The following ATG7 variants were observed in gnomAD, a reference collection of about 807,000 sequenced individuals.
The protein encoded by ATG7 is ubiquitin-like modifier-activating enzyme ATG7.
In ATG7, 70 loss-of-function variants were observed where a neutral mutation model predicts 82.4. That is an observed-to-expected ratio of 0.85 (90% CI 0.70 to 1.04). The LOEUF (loss-of-function observed/expected upper bound fraction) is 1.04, where lower values mean the gene tolerates loss of function less well. Among genes scored for constraint, ATG7 ranks in the 50% least tolerant of loss-of-function variants. The pLI is 0.00. For missense variants in ATG7, 792 were observed against 864.3 expected (o/e 0.92, Z 1.05); for synonymous variants, 287 against 313.0 (o/e 0.92, Z 0.88).
the ATG7 span, among the ~76,000 whole-genome samples, chr3:11,571,465 C>T: frequency 6.6e-6 from 1 of 152,088 alleles, no homozygotes; most frequent in Admixed American, 6.6e-5. Flanking sequence ...AGGTGGACTG[C>T]TTAGGCCCAG....
intron 20 of ATG7, among the ~76,000 whole-genome samples, chr3:11,458,901 A>G (rs1037356165): frequency 6.6e-6 from 1 of 152,180 alleles, no homozygotes; most frequent in Non-Finnish European, 1.5e-5. Flanking sequence ...TCAGCGGAGC[A>G]TTAGATTCTC....
intron 19 of ATG7, among the ~76,000 whole-genome samples, chr3:11,416,046 T>C (rs1476877002): frequency 6.6e-6 from 1 of 152,242 alleles, no homozygotes; most frequent in African/African-American, 2.4e-5. Context: ...GGACCACCCA[T>C]TGTATATGCA....
At chr3:11,428,373 A>G (rs755661784) in intron 20 of ATG7, among the ~76,000 whole-genome samples, 2 of 133,512 alleles carry the variant, frequency 1.5e-5, no homozygotes, top group African/African-American at 5.7e-5. Context: ...AGTCAGACCC[A>G]TTGGAGGTTT....
At chr3:11,372,854 G>GTGTA (rs2077127720) in intron 18 of ATG7, among the ~76,000 whole-genome samples, 2 of 149,004 alleles carry the variant, frequency 1.3e-5, no homozygotes, top group African/African-American at 5.1e-5. Context: ...GCGTGTGCGT[G>GTGTA]TGTGTGTGTG....
At position 11,358,562 on chromosome 3, in the gene ATG7, AC is replaced by A. The variant is rs1184855017; in HGVS notation, c.1431del (p.Arg478GlyfsTer31). ...SHDVVFLLMDTRESRWLPAVI... is the reference protein window; with the variant it reads ...SHDVVFLLMDXRESRWLPAVI... ...TGATGTCGTCTTCCTATTGATGGACACCAGGGAGAGCCGGTGGCTTCCTGCC... is the reference window on the plus strand; with the variant it reads ...TGATGTCGTCTTCCTATTGATGGACACAGGGAGAGCCGGTGGCTTCCTGCC... On this transcript the variant is annotated frameshift_variant, in exon 15 of 21. Coordinates refer to ENST00000693202, the MANE Select transcript of ATG7 (RefSeq NM_001349232.2). LOFTEE classifies it high-confidence loss of function. The A allele has an allele frequency of 1.2e-6, 2 of 1,613,944 alleles. No homozygotes were observed. Among genetic ancestry groups the A allele is most frequent in the South Asian group, 2.2e-5 (2 of 91,060 alleles).
chr3:11,404,379 G>C (rs2080132607), intron 19 of ATG7, among the ~76,000 whole-genome samples: 1 of 151,844 alleles, frequency 6.6e-6, no homozygotes, highest in African/African-American at 2.4e-5. Context: ...CAAGTGATCT[G>C]CCCTGGTTGG....
At chr3:11,503,755 C>CAAAAAAAAAAAAAAAAAAAAA in intron 20 of ATG7, among the ~76,000 whole-genome samples, 1 of 76,966 alleles carries the variant, frequency 1.3e-5, no homozygotes. Context: ...GACTCTGTCT[C>CAAAAAAAAAAAAAAAAAAAAA]AAAAAAAAAA....
At chr3:11,331,251 TA>T (rs1375277372) in intron 9 of ATG7, 88 bp from the exon 10 acceptor site, 2 of 1,099,890 alleles carry the variant, frequency 1.8e-6, no homozygotes, top group Non-Finnish European at 2.7e-6. Context: ...GCAGAAAGCA[TA>T]AAAAAGCAAA....
At chr3:11,357,190 G>A (rs2075991331) in intron 14 of ATG7, among the ~76,000 whole-genome samples, 1 of 152,184 alleles carries the variant, frequency 6.6e-6, no homozygotes, top group Non-Finnish European at 1.5e-5. Flanking sequence ...ATATACAGGG[G>A]TTAAAGGTAC....
In ATG7 at chr3:11,323,777, C is replaced by T. The variant is rs73015760; in HGVS notation, c.679-7563C>T. Reference sequence around the variant, plus strand: ...GCTCTTTCTTCACTTAGTGATCTCTCCGCATCTTGGCAGCTGTCTGTGACT... The same window carrying T: ...GCTCTTTCTTCACTTAGTGATCTCTTCGCATCTTGGCAGCTGTCTGTGACT... On this transcript the variant is annotated intron_variant, in intron 9 of 20. Coordinates refer to ENST00000693202, the MANE Select transcript of ATG7 (RefSeq NM_001349232.2). 9.3e-3 allele frequency among the ~76,000 whole-genome samples: 1,420 copies of T among 152,360 alleles called. 12 individuals carry two copies. The highest frequency in any genetic ancestry group is 0.013 in the Non-Finnish European group (911 of 68,042).
At chr3:11,549,781 G>C (rs547633383) in intron 20 of ATG7, among the ~76,000 whole-genome samples, 14 of 152,322 alleles carry the variant, frequency 9.2e-5, no homozygotes, top group African/African-American at 3.1e-4. Context: ...CACATGGTGA[G>C]CGCACACTTA....
chr3:11,303,398 G>A (rs986576499), intron 5 of ATG7, among the ~76,000 whole-genome samples: 2 of 152,334 alleles, frequency 1.3e-5, no homozygotes, highest in South Asian at 2.1e-4. Context: ...CGCCAGGCGC[G>A]GTGGCTCACG....
At chr3:11,549,558 T>C (rs1009955285) in intron 20 of ATG7, among the ~76,000 whole-genome samples, 2 of 152,208 alleles carry the variant, frequency 1.3e-5, no homozygotes, top group Admixed American at 6.5e-5. Flanking sequence ...CTGAGATTCA[T>C]ATGTGTTGTC....
intron 3 of ATG7, among the ~76,000 whole-genome samples, chr3:11,289,592 G>T (rs1050178677): frequency 4.6e-5 from 7 of 152,154 alleles, no homozygotes; most frequent in Middle Eastern, 6.3e-3. Flanking sequence ...TGAAGGATGT[G>T]CCTCTTATGC....
At chr3:11,339,091 T>C (rs1440163985) in intron 11 of ATG7, among the ~76,000 whole-genome samples, 2 of 151,774 alleles carry the variant, frequency 1.3e-5, no homozygotes, top group African/African-American at 4.8e-5. Flanking sequence ...GGTCAGGAGA[T>C]CAAGACCATC....
In ATG7 at chr3:11,342,933, A is replaced by AT. The variant is rs34523650; in HGVS notation, c.1125+668dup. 9.5e-3 allele frequency among the ~76,000 whole-genome samples: 1,375 copies of AT among 144,806 alleles called. 10 individuals carry two copies. Among genetic ancestry groups the AT allele is most frequent in the Non-Finnish European group, 9.9e-3 (648 of 65,598 alleles). 95.0% of individuals were successfully genotyped at this position (144,806 alleles called of 152,430 possible). A position where few individuals can be genotyped will look rare whatever the true frequency, so the allele number is the denominator to read the frequency against. Reference sequence around the variant, plus strand: ...TATTTTATATATTTGTTTGTCATTAATTTTTTTTTTTTTTGAGACAAAGTC... The same window carrying AT: ...TATTTTATATATTTGTTTGTCATTAATTTTTTTTTTTTTTTGAGACAAAGTC... On this transcript the variant is annotated intron_variant, in intron 13 of 20. Transcript: ENST00000693202.
chr3:11,542,537 C>T (rs1575262190), intron 20 of ATG7, among the ~76,000 whole-genome samples: 1 of 152,052 alleles, frequency 6.6e-6, no homozygotes, highest in East Asian at 2.0e-4. Context: ...TGCCATGGGC[C>T]ATGGCCCTTC....
intron 19 of ATG7, among the ~76,000 whole-genome samples, chr3:11,422,073 C>T (rs1231693101): frequency 2.6e-5 from 4 of 152,176 alleles, no homozygotes; most frequent in Non-Finnish European, 4.4e-5. Flanking sequence ...GAAGATTTAG[C>T]ATAATTTTTA....
rs924802781 is a variant in ATG7, at chr3:11,370,536, A to G, written c.1875+5802A>G. 4.0e-5 allele frequency among the ~76,000 whole-genome samples: 6 copies of G among 151,178 alleles called. 1 individual carries two copies. Among genetic ancestry groups the G allele is most frequent in the Admixed American group, 2.0e-4 (3 of 15,126 alleles). On this transcript the variant is annotated intron_variant, in intron 18 of 20. Transcript: ENST00000693202. ...ATTTATGCGAACTCCAAGCTTTAGA[A>G]ATATTGCCAGGCCTGCTGGAAGCTA... is the stretch of plus-strand genomic sequence containing the variant.
Sources: gnomAD v4.1 joint callset for allele counts (sites outside exome capture counted in the v4.1 genomes callset) on GRCh38, gnomAD v4.1.1 for gene constraint, MANE v1.5 for transcripts, NCBI Gene and HGNC (gene_info 2026-07-23, HGNC 2026-07-21) for gene names.